MYO10: variants seen among roughly 807,000 people sequenced by gnomAD.
The protein encoded by MYO10 is unconventional myosin-X.
In MYO10, 133 loss-of-function variants were observed where a neutral mutation model predicts 257.3. The observed-to-expected ratio is 0.52, with a 90% CI of 0.45 to 0.60. The LOEUF (loss-of-function observed/expected upper bound fraction) is 0.60, where lower values mean the gene tolerates loss of function less well. MYO10 is among the 20% of genes least tolerant of loss of function. The pLI is 0.00. For synonymous variants in MYO10, 1,104 were observed against 1,028.6 expected, an observed-to-expected ratio of 1.07 and a Z score of -1.40; for missense variants, 2,399 against 2,635.7, an observed-to-expected ratio of 0.91 and a Z score of 1.97.
At chr5:16,829,671 A>C (rs1428537228) in intron 2 of MYO10, among the ~76,000 whole-genome samples, 1 of 152,160 alleles carries the variant, frequency 6.6e-6, no homozygotes, top group Non-Finnish European at 1.5e-5. Context: ...ATAAGTCAAG[A>C]AGTCTGAAAC....
At chr5:16,689,703 T>G in intron 28 of MYO10, 121 bp downstream of exon 28, 1 of 741,778 alleles carries the variant, frequency 1.3e-6, no homozygotes. Flanking sequence ...TCTTGGTTCT[T>G]CAAAAAAAGT....
At chr5:16,879,443 ACCT>A (rs1387998126) in intron 1 of MYO10, among the ~76,000 whole-genome samples, 2 of 152,140 alleles carry the variant, frequency 1.3e-5, no homozygotes, top group African/African-American at 4.8e-5. Context: ...AAACATAGTC[ACCT>A]CCAGTAAAGG....
In MYO10 at chr5:16,779,575, G is replaced by A. The variant is rs187325024; in HGVS notation, c.900C>T (p.Ile300=). The A allele has an allele frequency of 3.1e-6, 5 of 1,587,428 alleles. No individual in the cohort carries two copies. In the East Asian group the frequency reaches 9.1e-5, roughly 29 times the overall value. The change falls in exon 9 of 41, where the codon ATC becomes ATT. Residue 300 remains isoleucine (I), a synonymous_variant. Coordinates refer to ENST00000513610, the MANE Select transcript of MYO10 (RefSeq NM_012334.3). ...NQSGCVEDKT[I]SDQESFREVI... ...CTTCCCTAAAGGATTCCTGGTCACT[G>A]ATTGTCTTGTCTTCTACACATCCAG... is the stretch of plus-strand genomic sequence containing the variant.
Position 16,670,863 on chromosome 5 carries a change from G to A in MYO10, c.5546C>T (p.Pro1849Leu), listed in dbSNP as rs1736421622. The A allele has an allele frequency of 6.2e-7, 1 of 1,614,006 alleles. No individual in the cohort carries two copies. Among genetic ancestry groups the A allele is most frequent in the Non-Finnish European group, 8.5e-7 (1 of 1,179,902 alleles). ...QGDYTLHAAI[P>L]PLEEVYSLQR... is the part of the protein sequence containing the mutation. Reference sequence around the variant, plus strand: ...CAGGGAATAAACCTCTTCGAGAGGTGGGATGGCAGCGTGCAGAGTATAATC... The same window carrying A: ...CAGGGAATAAACCTCTTCGAGAGGTAGGATGGCAGCGTGCAGAGTATAATC... The change falls in exon 39 of 41, where the codon CCA (proline) becomes CTA (leucine). Residue 1849 changes from proline (P) to leucine (L), a missense_variant. Pro to Leu is a moderately conservative substitution (Grantham distance 98). Coordinates refer to ENST00000513610, the MANE Select transcript of MYO10 (RefSeq NM_012334.3).
At chr5:16,838,215 G>A (rs1743370658) in intron 2 of MYO10, among the ~76,000 whole-genome samples, 1 of 152,202 alleles carries the variant, frequency 6.6e-6, no homozygotes, top group South Asian at 2.1e-4. Flanking sequence ...GGAAGGCATG[G>A]CGAAAGTTAA....
intron 4 of MYO10, among the ~76,000 whole-genome samples, chr5:16,790,792 CTA>C (rs1463192158): frequency 1.3e-5 from 2 of 152,002 alleles, no homozygotes; most frequent in Non-Finnish European, 2.9e-5. Context: ...CCTGTCTGGC[CTA>C]TACGGTGTAT....
intron 19 of MYO10, among the ~76,000 whole-genome samples, chr5:16,738,935 G>C (rs1579933787): frequency 7.0e-6 from 1 of 143,264 alleles, no homozygotes; most frequent in African/African-American, 2.6e-5. Context: ...CTTCAGAAAA[G>C]GTTGCAACAA....
At chr5:16,868,747 T>G (rs916289576) in intron 2 of MYO10, among the ~76,000 whole-genome samples, 2 of 152,220 alleles carry the variant, frequency 1.3e-5, no homozygotes, top group African/African-American at 4.8e-5. Flanking sequence ...TATTTTTCAA[T>G]AAAGTGTGAA....
At chr5:16,882,134 C>A (rs1017787575) in intron 1 of MYO10, among the ~76,000 whole-genome samples, 12 of 152,176 alleles carry the variant, frequency 7.9e-5, no homozygotes, top group Non-Finnish European at 1.3e-4. Context: ...AGCACTTATG[C>A]ATAAATTCCT....
At chr5:16,764,692 G>GT (rs1169883653) in intron 11 of MYO10, among the ~76,000 whole-genome samples, 1 of 151,762 alleles carries the variant, frequency 6.6e-6, no homozygotes, top group Non-Finnish European at 1.5e-5. Flanking sequence ...GGTTTTTTTT[G>GT]TTTTTTGTTT....
At chr5:16,691,846 G>A (rs1737524082) in intron 27 of MYO10, among the ~76,000 whole-genome samples, 1 of 152,096 alleles carries the variant, frequency 6.6e-6, no homozygotes, top group African/African-American at 2.4e-5. Flanking sequence ...TCACTCTCTA[G>A]GTCTAATGAC....
chr5:16,707,904 G>A (rs1197112362), intron 21 of MYO10, among the ~76,000 whole-genome samples: 1 of 152,182 alleles, frequency 6.6e-6, no homozygotes, highest in Non-Finnish European at 1.5e-5. Flanking sequence ...TGTCTAATTC[G>A]CTGCCTTCGA....
intron 39 of MYO10, among the ~76,000 whole-genome samples, chr5:16,669,666 C>T (rs1579783274): frequency 6.6e-6 from 1 of 152,188 alleles, no homozygotes; most frequent in East Asian, 1.9e-4. Flanking sequence ...ACCAACCAAA[C>T]CAATCAAAAA....
In MYO10 at chr5:16,696,842, C is replaced by T. The variant is rs181853047; in HGVS notation, c.3557-2228G>A. Among the ~76,000 whole-genome samples, 519 of 129,490 alleles carry T rather than the reference C, an allele frequency of 4.0e-3. 1 individual carries two copies. Among genetic ancestry groups the T allele is most frequent in the Non-Finnish European group, 3.9e-3 (251 of 64,468 alleles). The allele number at this position is 129,490 out of a possible 152,430, so 85.0% of individuals were successfully genotyped here. On this transcript the variant is annotated intron_variant, in intron 26 of 40. Transcript: ENST00000513610. ...CTGCACTCCAGCCTGGGTGACAGAGCGAGACTCTGTCTCAAAAAAAAAAAA... is the reference window on the plus strand; with the variant it reads ...CTGCACTCCAGCCTGGGTGACAGAGTGAGACTCTGTCTCAAAAAAAAAAAA...
chr5:16,697,957 C>T (rs1047928689), intron 26 of MYO10, among the ~76,000 whole-genome samples: 123 of 152,296 alleles, frequency 8.1e-4, no homozygotes, highest in African/African-American at 2.9e-3. Context: ...TAACCATCCA[C>T]GTAAAACTCC....
chr5:16,714,814 AAAC>A (rs559710113), intron 19 of MYO10, among the ~76,000 whole-genome samples: 27 of 152,128 alleles, frequency 1.8e-4, no homozygotes, highest in East Asian at 1.9e-4. Context: ...CAGAGCGAGA[AAAC>A]AACAACAACA....
At chr5:16,727,452 T>C (rs1049529215) in intron 19 of MYO10, among the ~76,000 whole-genome samples, 5 of 152,214 alleles carry the variant, frequency 3.3e-5, no homozygotes, top group Non-Finnish European at 5.9e-5. Flanking sequence ...ACATATTCCT[T>C]TTCATAACAT....
At chr5:16,872,813 T>C (rs1744490435) in intron 2 of MYO10, among the ~76,000 whole-genome samples, 1 of 152,164 alleles carries the variant, frequency 6.6e-6, no homozygotes, top group Non-Finnish European at 1.5e-5. Context: ...CATCAGATCT[T>C]GTGAGACTTT....
At chr5:16,689,711 A>AC in intron 28 of MYO10, 113 bp downstream of exon 28, 1 of 792,770 alleles carries the variant, frequency 1.3e-6, no homozygotes, top group East Asian at 2.7e-5. Flanking sequence ...CTTCAAAAAA[A>AC]GTCAATTAAA....
Sources: gnomAD v4.1 joint callset for allele counts (sites outside exome capture counted in the v4.1 genomes callset) on GRCh38, gnomAD v4.1.1 for gene constraint, MANE v1.5 for transcripts, NCBI Gene and HGNC (gene_info 2026-07-23, HGNC 2026-07-21) for gene names.